TANC2: variants seen among roughly 807,000 people sequenced by gnomAD.
The protein encoded by TANC2 is tetratricopeptide repeat, ankyrin repeat and coiled-coil containing 2.
TANC2 carries 26 observed loss-of-function variants against 210.5 expected under a neutral mutation model. The observed-to-expected ratio is 0.12, with a 90% CI of 0.09 to 0.17. The LOEUF (loss-of-function observed/expected upper bound fraction) is 0.17. TANC2 is among the 10% of genes least tolerant of loss of function. TANC2 has a pLI of 1.00. For synonymous variants in TANC2, 931 were observed against 967.1 expected, an observed-to-expected ratio of 0.96 and a Z score of 0.69; for missense variants, 2,129 against 2,608.9, an observed-to-expected ratio of 0.82 and a Z score of 4.01.
intron 5 of TANC2, among the ~76,000 whole-genome samples, chr17:63,184,354 T>G (rs2040900370): frequency 1.3e-5 from 2 of 152,218 alleles, no homozygotes; most frequent in Non-Finnish European, 2.9e-5. Flanking sequence ...CAAGTATTGT[T>G]GAGAATATTG....
At chr17:63,108,625 A>G (rs765457600) in intron 4 of TANC2, among the ~76,000 whole-genome samples, 9 of 151,650 alleles carry the variant, frequency 5.9e-5, no homozygotes, top group Non-Finnish European at 1.2e-4. Flanking sequence ...CCTGGCCAAC[A>G]TGGTGAAACT....
chr17:63,170,925 G>T (rs929262828), intron 5 of TANC2, among the ~76,000 whole-genome samples: 27 of 151,956 alleles, frequency 1.8e-4, no homozygotes, highest in Admixed American at 9.2e-4. Flanking sequence ...ATGGTACTAC[G>T]CATGATACTG....
intron 21 of TANC2, 63 bp from the exon 22 acceptor site, chr17:63,411,448 A>C: frequency 1.3e-6 from 2 of 1,497,112 alleles, no homozygotes; most frequent in Non-Finnish European, 1.8e-6. Context: ...CCTTCAGCGT[A>C]CTTCCCCTCC....
chr17:63,139,847 C>T (rs1461088337), intron 4 of TANC2, among the ~76,000 whole-genome samples: 1 of 152,090 alleles, frequency 6.6e-6, no homozygotes, highest in East Asian at 1.9e-4. Flanking sequence ...AAGGCTGCAG[C>T]GAGCTGTGAT....
chr17:63,084,904 C>T (rs78515459), intron 3 of TANC2, among the ~76,000 whole-genome samples: 4,482 of 152,154 alleles, frequency 0.029, 82 homozygotes, highest in South Asian at 0.037. Context: ...AATGTGTTCA[C>T]TTGTAATGAA....
At chr17:63,124,759 T>G (rs1267737984) in intron 4 of TANC2, among the ~76,000 whole-genome samples, 1 of 152,190 alleles carries the variant, frequency 6.6e-6, no homozygotes, top group African/African-American at 2.4e-5. Flanking sequence ...CATTACTGCT[T>G]GAGCTCCGCC....
chr17:63,284,740 AT>A (rs1412053344), intron 9 of TANC2, among the ~76,000 whole-genome samples: 1 of 152,116 alleles, frequency 6.6e-6, no homozygotes, highest in African/African-American at 2.4e-5. Flanking sequence ...ACTTCTATAA[AT>A]ATCAAATAGG....
chr17:63,420,180 C>T lies in TANC2; in HGVS notation c.4450C>T (p.Gln1484Ter), dbSNP rs780968730. 6.3e-7 allele frequency: 1 copy of T among 1,582,220 alleles called. No individual in the cohort carries two copies. Among genetic ancestry groups the T allele is most frequent in the Non-Finnish European group, 8.6e-7 (1 of 1,163,290 alleles). ...GCCGGAAGAAGCAGAACCTGAGCCA[C>T]AGCATGAAGACATATACTCTGTACA... is the stretch of plus-strand genomic sequence containing the variant. The change falls in exon 28 of 28, where the codon CAG (glutamine) becomes TAG (stop). Residue 1484 changes from glutamine to a stop codon, truncating the protein, a stop_gained. Transcript: ENST00000689528. LOFTEE classifies it high-confidence loss of function. This position sits in a 1 kb window ranked among gnomAD's most constrained non-coding sequence, Gnocchi z 4.2.
chr17:63,365,902 TTA>T (rs2047096290), intron 14 of TANC2, among the ~76,000 whole-genome samples: 1 of 152,050 alleles, frequency 6.6e-6, no homozygotes, highest in South Asian at 2.1e-4. Flanking sequence ...TTTCTAACAC[TTA>T]TCACAATTTA....
intron 5 of TANC2, among the ~76,000 whole-genome samples, chr17:63,186,212 T>TAG (rs1034577268): frequency 8.5e-5 from 13 of 152,182 alleles, no homozygotes; most frequent in Non-Finnish European, 1.8e-4. Flanking sequence ...TGATTATATA[T>TAG]AGAGAGAGAT....
intron 8 of TANC2, among the ~76,000 whole-genome samples, chr17:63,243,316 C>T (rs1319607664): frequency 1.3e-5 from 2 of 152,214 alleles, no homozygotes; most frequent in Non-Finnish European, 2.9e-5. Flanking sequence ...GTATATAAAG[C>T]TATATATGCA....
At chr17:63,220,481 C>T (rs2145925977) in intron 7 of TANC2, among the ~76,000 whole-genome samples, 1 of 151,240 alleles carries the variant, frequency 6.6e-6, no homozygotes, top group South Asian at 2.1e-4. Context: ...GTGGGCAGAT[C>T]ACTTGAGGTC....
intron 5 of TANC2, among the ~76,000 whole-genome samples, chr17:63,173,105 G>T (rs1306309648): frequency 2.0e-5 from 3 of 152,086 alleles, no homozygotes; most frequent in African/African-American, 7.2e-5. Flanking sequence ...GGGAATAAAT[G>T]TAATTAGATA....
chr17:63,061,382 C>CA lies in TANC2; in HGVS notation c.68-12555dup, dbSNP rs1421272718. 7.9e-5 allele frequency among the ~76,000 whole-genome samples: 12 copies of CA among 152,050 alleles called. No homozygotes were observed. In the East Asian group the frequency reaches 2.1e-3, roughly 27 times the overall value. On this transcript the variant is annotated intron_variant, in intron 2 of 27. Transcript: ENST00000689528. ...AACTCTGTCTCAAAGAACAAAAAAA[C>CA]AAAAAACAAACAAAAAGATTACATG...
intron 4 of TANC2, among the ~76,000 whole-genome samples, chr17:63,139,964 A>G (rs145241976): frequency 9.8e-5 from 15 of 152,334 alleles, no homozygotes; most frequent in Middle Eastern, 3.4e-3. Flanking sequence ...CATTTGGTAT[A>G]GGATTTTCAT....
chr17:63,202,851 T>G (rs72845213), intron 7 of TANC2, among the ~76,000 whole-genome samples: 6,675 of 152,236 alleles, frequency 0.044, 199 homozygotes, highest in Non-Finnish European at 0.062. Flanking sequence ...TTGAATATTA[T>G]ATGTTGTTTT....
At chr17:63,284,889 C>T (rs540946543) in intron 9 of TANC2, among the ~76,000 whole-genome samples, 1 of 151,906 alleles carries the variant, frequency 6.6e-6, no homozygotes, top group African/African-American at 2.4e-5. Flanking sequence ...GTAGTTTTTG[C>T]TCTTTGTGTT....
chr17:63,255,100 T>A (rs965147278), intron 8 of TANC2, among the ~76,000 whole-genome samples: 3 of 145,050 alleles, frequency 2.1e-5, no homozygotes, highest in African/African-American at 5.4e-5. Context: ...TATTTATTTA[T>A]TTATTTTTAT....
chr17:63,030,296 A>C (rs887546916), intron 2 of TANC2, among the ~76,000 whole-genome samples: 1 of 152,140 alleles, frequency 6.6e-6, no homozygotes, highest in African/African-American at 2.4e-5. Flanking sequence ...TGAGACATTG[A>C]AGGGGATTTA....
Sources: allele counts gnomAD v4.1 joint callset (sites outside exome capture counted in the v4.1 genomes callset), GRCh38; gene constraint gnomAD v4.1.1; non-coding constraint Gnocchi (gnomAD v3.1); transcripts MANE v1.5; gene names NCBI Gene and HGNC (gene_info 2026-07-23, HGNC 2026-07-21).